The following PTPRO variants were observed in gnomAD, a reference collection of about 807,000 sequenced individuals.
PTPRO encodes the protein protein tyrosine phosphatase receptor type O.
Under a neutral mutation model 145.2 loss-of-function variants are expected in PTPRO, and 62 were observed. That is an observed-to-expected ratio of 0.43 (90% CI 0.35 to 0.53). The LOEUF (loss-of-function observed/expected upper bound fraction) is 0.53, where lower values mean the gene tolerates loss of function less well. Among genes scored for constraint, PTPRO ranks in the 20% least tolerant of loss-of-function variants. The probability of loss-of-function intolerance (pLI) is 0.01; values close to 1 mark genes in which losing one functional copy is unlikely to be tolerated. For synonymous variants in PTPRO, 565 were observed against 514.7 expected, an observed-to-expected ratio of 1.10 and a Z score of -1.32; for missense variants, 1,345 against 1,482.7, an observed-to-expected ratio of 0.91 and a Z score of 1.53.
intron 1 of PTPRO, among the ~76,000 whole-genome samples, chr12:15,395,064 GA>G (rs1939298797): frequency 6.6e-6 from 1 of 152,164 alleles, no homozygotes; most frequent in Admixed American, 6.6e-5. Flanking sequence ...ACCTAGGAAA[GA>G]AAATATTTTA....
chr12:15,530,517 A>T (rs376175633), intron 12 of PTPRO, among the ~76,000 whole-genome samples: 183 of 152,330 alleles, frequency 1.2e-3, no homozygotes, highest in African/African-American at 4.3e-3. Context: ...TACATATCAT[A>T]TCAAGTATCT....
chr12:15,386,240 C>T (rs1215895426), intron 1 of PTPRO, among the ~76,000 whole-genome samples: 4 of 152,054 alleles, frequency 2.6e-5, no homozygotes, highest in African/African-American at 9.6e-5. Context: ...AGATATTTGC[C>T]TTATCAGATG....
Position 15,439,457 on chromosome 12 carries a change from G to A in PTPRO, c.76-44517G>A, listed in dbSNP as rs147054154. The A allele has an allele frequency of 2.9e-4, 54 of 187,742 alleles. No homozygotes were observed. The East Asian group carries it at 6.2e-3, about 21-fold the overall frequency. 11.6% of individuals were successfully genotyped at this position (187,742 alleles called of 1,614,324 possible). A position where few individuals can be genotyped will look rare whatever the true frequency, so the allele number is the denominator to read the frequency against. On this transcript the variant is annotated intron_variant, in intron 1 of 26. Coordinates refer to ENST00000281171, the MANE Select transcript of PTPRO (RefSeq NM_030667.3). ...TTAAATTTTAATGGTCTCAATGCAC[G>A]ACCTAAAAGACACAGAGCTGCAAGG...
chr12:15,349,556 TAAC>T (rs533193218), intron 1 of PTPRO, among the ~76,000 whole-genome samples: 149 of 152,350 alleles, frequency 9.8e-4, no homozygotes, highest in Middle Eastern at 3.4e-3. Flanking sequence ...TCAGCAACTA[TAAC>T]AACACTTTAC....
Position 15,440,311 on chromosome 12 carries a change from G to A in PTPRO, c.76-43663G>A, listed in dbSNP as rs113847996. On this transcript the variant is annotated intron_variant, in intron 1 of 26. Transcript: ENST00000281171. ...TCCGGAAGGAGACTGTATTCACCAT[G>A]TCTCCCTATCAGGAATTCACTGAGC... The A allele has an allele frequency of 9.2e-5, 47 of 508,404 alleles. 1 individual carries two copies. Among genetic ancestry groups the A allele is most frequent in the South Asian group, 3.5e-4 (15 of 43,038 alleles). 31.5% of individuals were successfully genotyped at this position (508,404 alleles called of 1,614,324 possible).
intron 1 of PTPRO, among the ~76,000 whole-genome samples, chr12:15,356,289 A>G (rs1259180134): frequency 6.6e-6 from 1 of 152,218 alleles, no homozygotes; most frequent in Non-Finnish European, 1.5e-5. Context: ...AATGCTCTAC[A>G]TAAGTGAATT....
At position 15,322,577 on chromosome 12, in the gene PTPRO, GGCGCAGGGGGACTGGAAAGGCAGCAT is replaced by G; in HGVS notation, c.-145_-120del. On this transcript the variant is annotated 5_prime_UTR_variant, in exon 1 of 27. It removes an upstream start codon present in the reference 5' UTR. Transcript: ENST00000281171. This position sits in a 1 kb window ranked among gnomAD's most constrained non-coding sequence, Gnocchi z 6.3. Reference sequence around the variant, plus strand: ...CGGGCGCAGAGGAGGAAAGGGAGCAGGCGCAGGGGGACTGGAAAGGCAGCATGCGCTCGCCAGGAGCAACCTCGGCG... The same window carrying G: ...CGGGCGCAGAGGAGGAAAGGGAGCAGGCGCTCGCCAGGAGCAACCTCGGCG... 1.4e-6 allele frequency: 1 copy of G among 713,050 alleles called. No individual in the cohort carries two copies. Among genetic ancestry groups the G allele is most frequent in the Admixed American group, 2.0e-5 (1 of 49,346 alleles). The allele number at this position is 713,050 out of a possible 1,614,324, so 44.2% of individuals were successfully genotyped here. A position where few individuals can be genotyped will look rare whatever the true frequency, so the allele number is the denominator to read the frequency against.
chr12:15,452,741 A>C (rs1292483593), intron 1 of PTPRO, among the ~76,000 whole-genome samples: 21 of 151,616 alleles, frequency 1.4e-4, no homozygotes, highest in African/African-American at 4.8e-4. Context: ...AATTAGAAAC[A>C]AAAAAAAATC....
chr12:15,526,390 G>C, intron 12 of PTPRO, 128 bp downstream of exon 12: 1 of 1,276,222 alleles, frequency 7.8e-7, no homozygotes, highest in Non-Finnish European at 1.1e-6. Context: ...GTAGAAAATA[G>C]ACATTTGTAC....
chr12:15,356,490 C>T (rs1937993050), intron 1 of PTPRO, among the ~76,000 whole-genome samples: 1 of 152,140 alleles, frequency 6.6e-6, no homozygotes. Flanking sequence ...GGGTGGGTAG[C>T]TCTGAGTCCT....
chr12:15,338,995 G>A (rs1289766254), intron 1 of PTPRO, among the ~76,000 whole-genome samples: 2 of 152,116 alleles, frequency 1.3e-5, no homozygotes, highest in Admixed American at 1.3e-4. Context: ...AAACATGTAA[G>A]AAGCTAAAGG....
rs59212161 is a variant in PTPRO at position 15,335,343 on chromosome 12, T to G, written c.75+12542T>G. 4.7e-3 allele frequency among the ~76,000 whole-genome samples: 710 copies of G among 152,162 alleles called. 7 individuals are homozygous for G. The highest frequency in any genetic ancestry group is 0.016 in the African/African-American group (673 of 41,552). On this transcript the variant is annotated intron_variant, in intron 1 of 26. Transcript: ENST00000281171. ...ATGGTATATTGTCTCCATGTATTAT[T>G]AAACATTGAGTCATGTGGTCATCTC...
intron 17 of PTPRO, among the ~76,000 whole-genome samples, chr12:15,560,832 C>T (rs1207753936): frequency 1.3e-5 from 2 of 152,042 alleles, no homozygotes; most frequent in Non-Finnish European, 1.5e-5. Flanking sequence ...TAGGGGCTTA[C>T]GGAGATTTAC....
chr12:15,583,498 C>CA (rs1555096004), intron 23 of PTPRO, among the ~76,000 whole-genome samples: 13 of 150,144 alleles, frequency 8.7e-5, no homozygotes, highest in African/African-American at 1.2e-4. Flanking sequence ...CACACACACA[C>CA]AAAAAAAATC....
At chr12:15,420,119 C>T (rs1940098795) in intron 1 of PTPRO, among the ~76,000 whole-genome samples, 2 of 127,394 alleles carry the variant, frequency 1.6e-5, no homozygotes, top group African/African-American at 6.1e-5. Context: ...TGCACTCTAG[C>T]CTGGGCGAAA....
intron 16 of PTPRO, 76 bp from the exon 17 acceptor site, chr12:15,560,117 A>AT: frequency 1.0e-6 from 1 of 988,840 alleles, no homozygotes. Flanking sequence ...TAATTTACTG[A>AT]TATCTATTCA....
At chr12:15,499,313 TACTGCCCATA>T in intron 3 of PTPRO, 119 bp from the exon 4 acceptor site, 1 of 923,332 alleles carries the variant, frequency 1.1e-6, no homozygotes, top group Non-Finnish European at 1.7e-6. Flanking sequence ...AACTCTTTAT[TACTGCCCATA>T]ACAGTAGTTG....
intron 12 of PTPRO, among the ~76,000 whole-genome samples, chr12:15,539,246 G>C (rs900269655): frequency 2.0e-5 from 3 of 152,032 alleles, no homozygotes; most frequent in African/African-American, 7.2e-5. Context: ...TGAAAGACCT[G>C]ATTTCACCAC....
At chr12:15,517,022 G>A (rs1474383065) in intron 9 of PTPRO, 66 bp downstream of exon 9, 21 of 1,365,894 alleles carry the variant, frequency 1.5e-5, no homozygotes, top group Non-Finnish European at 2.1e-5. Flanking sequence ...TGTACCAAAT[G>A]TGTCTTTAAG....
Sources: allele counts gnomAD v4.1 joint callset (sites outside exome capture counted in the v4.1 genomes callset), GRCh38; gene constraint gnomAD v4.1.1; non-coding constraint Gnocchi (gnomAD v3.1); transcripts MANE v1.5; gene names NCBI Gene and HGNC (gene_info 2026-07-23, HGNC 2026-07-21).